FNTB: variants seen among roughly 807,000 people sequenced by gnomAD.
The protein encoded by FNTB is protein farnesyltransferase subunit beta.
A neutral mutation model predicts 59.4 loss-of-function variants in FNTB; 27 were observed. The observed-to-expected ratio is 0.45, with a 90% confidence interval of 0.34 to 0.63. The LOEUF (loss-of-function observed/expected upper bound fraction) is 0.63. FNTB is among the 20% of genes least tolerant of loss of function. The probability of loss-of-function intolerance (pLI) is 0.02; values close to 1 mark genes in which losing one functional copy is unlikely to be tolerated. For synonymous variants in FNTB, 230 were observed against 220.7 expected, an observed-to-expected ratio of 1.04 and a Z score of -0.37; for missense variants, 449 against 559.6, an observed-to-expected ratio of 0.80 and a Z score of 1.99.
rs113927228 is a variant in FNTB, at chr14:65,060,279, G to T, written c.1183-902G>T. Among the ~76,000 whole-genome samples the T allele has an allele frequency of 6.2e-3, 948 of 151,706 alleles. 11 individuals carry two copies. Among genetic ancestry groups the T allele is most frequent in the African/African-American group, 0.022 (896 of 41,290 alleles). Reference sequence around the variant, plus strand: ...TTTTTGCTATTTATATACATCACAGGTACAAATACACTTTTTAAAAAGTTT... The same window carrying T: ...TTTTTGCTATTTATATACATCACAGTTACAAATACACTTTTTAAAAAGTTT... On this transcript the variant is annotated intron_variant, in intron 11 of 11. Coordinates refer to ENST00000246166, the MANE Select transcript of FNTB (RefSeq NM_002028.4).
At chr14:65,002,159 A>G (rs2061530239) in intron 1 of FNTB, among the ~76,000 whole-genome samples, 1 of 152,200 alleles carries the variant, frequency 6.6e-6, no homozygotes, top group South Asian at 2.1e-4. Context: ...CTCAAAAAAA[A>G]ACATGTCTCA....
At chr14:65,004,468 C>T (rs2296323) in intron 2 of FNTB, among the ~76,000 whole-genome samples, 155 bp downstream of exon 2, 3,809 of 152,230 alleles carry the variant, frequency 0.025, 115 homozygotes, top group East Asian at 0.093. Context: ...CTAAGACCCC[C>T]ACTCCTCCCT....
intron 11 of FNTB, among the ~76,000 whole-genome samples, chr14:65,056,307 TCTC>T (rs1329238120): frequency 5.3e-5 from 8 of 152,222 alleles, no homozygotes; most frequent in African/African-American, 1.7e-4. Flanking sequence ...GTTTCTCTGT[TCTC>T]CTGCTAGTTA....
At position 65,061,238 on chromosome 14, in the gene FNTB, T is replaced by G. The variant is rs1313947079; in HGVS notation, c.1240T>G (p.Tyr414Asp). ...GPDKVIQATT[Y>D]FLQKPVPGFE... ...AGACAAGGTGATCCAGGCCACTACA[T>G]ACTTTCTACAGAAGCCAGTCCCAGG... Residue 414 changes from tyrosine to aspartate, a missense_variant, in exon 12 of 12, where the codon TAC (tyrosine) becomes GAC (aspartate). Physicochemically the swap from Tyr to Asp is radical, Grantham distance 160 (BLOSUM62 -3). This residue lies in a region of FNTB where 337 missense variants were observed against 479.1 expected (regional missense o/e 0.70). Coordinates refer to ENST00000246166, the MANE Select transcript of FNTB (RefSeq NM_002028.4). 6.2e-7 allele frequency: 1 copy of G among 1,614,054 alleles called. No individual in the cohort carries two copies. The highest frequency in any genetic ancestry group is 8.5e-7 in the Non-Finnish European group (1 of 1,180,038).
At chr14:65,036,830 G>A (rs1229101173) in intron 7 of FNTB, among the ~76,000 whole-genome samples, 2 of 151,932 alleles carry the variant, frequency 1.3e-5, no homozygotes, top group African/African-American at 4.8e-5. Flanking sequence ...TAGAGACAGG[G>A]TCTCGTCATA....
In FNTB at chr14:65,028,128, A is replaced by T. The variant is rs1461329136; in HGVS notation, c.605+347A>T. Among the ~76,000 whole-genome samples the T allele has an allele frequency of 1.3e-5, 2 of 152,228 alleles. No individual in the cohort carries two copies. Among genetic ancestry groups the T allele is most frequent in the Non-Finnish European group, 2.9e-5 (2 of 68,038 alleles). Reference sequence around the variant, plus strand: ...CTCTCTGAGATAGGAAGGGAGGGGAAAGTCCAGCAGGGCCTCAGTAAATAC... The same window carrying T: ...CTCTCTGAGATAGGAAGGGAGGGGATAGTCCAGCAGGGCCTCAGTAAATAC... On this transcript the variant is annotated intron_variant, in intron 6 of 11. Coordinates refer to ENST00000246166, the MANE Select transcript of FNTB (RefSeq NM_002028.4). This position sits in a 1 kb window ranked among gnomAD's most constrained non-coding sequence, Gnocchi z 4.4.
Position 65,012,209 on chromosome 14 carries a change from G to A in FNTB, c.210-108G>A. On this transcript the variant is annotated intron_variant, in intron 2 of 11. Transcript: ENST00000246166. This position sits in a 1 kb window ranked among gnomAD's most constrained non-coding sequence, Gnocchi z 5.0. ...GGTTATCCAGTCAGTGATTGCAGGG[G>A]GACGTCCTGAAGCTGAGTGTTTACC... is the stretch of plus-strand genomic sequence containing the variant. The A allele has an allele frequency of 7.3e-7, 1 of 1,368,520 alleles. No homozygotes were observed. Among genetic ancestry groups the A allele is most frequent in the African/African-American group, 1.4e-5 (1 of 69,978 alleles). The allele number at this position is 1,368,520 out of a possible 1,614,324, so 84.8% of individuals were successfully genotyped here.
Position 65,027,732 on chromosome 14 carries a change from C to CA in FNTB, c.558dup (p.Pro187ThrfsTer2). 1 of 1,614,202 alleles carries CA rather than the reference C, an allele frequency of 6.2e-7. No homozygotes were observed. Among genetic ancestry groups the CA allele is most frequent in the Non-Finnish European group, 8.5e-7 (1 of 1,180,044 alleles). On this transcript the variant is annotated frameshift_variant, in exon 6 of 12. Coordinates refer to ENST00000246166, the MANE Select transcript of FNTB (RefSeq NM_002028.4). LOFTEE classifies it high-confidence loss of function. The surrounding 1 kb of genome is among the most constrained non-coding windows in gnomAD (Gnocchi z 5.7). ...TCTTCAGTATTTGTACTCCCTGAAG[C>CA]AACCTGACGGCTCCTTTCTCATGCA...
Position 65,009,197 on chromosome 14 carries a change from T to C in FNTB, c.210-3120T>C, listed in dbSNP as rs993380282. Among the ~76,000 whole-genome samples, 1 of 152,202 alleles carries C rather than the reference T, an allele frequency of 6.6e-6. No individual in the cohort carries two copies. Among genetic ancestry groups the C allele is most frequent in the Non-Finnish European group, 1.5e-5 (1 of 68,036 alleles). On this transcript the variant is annotated intron_variant, in intron 2 of 11. Coordinates refer to ENST00000246166, the MANE Select transcript of FNTB (RefSeq NM_002028.4). The surrounding 1 kb of genome is among the most constrained non-coding windows in gnomAD (Gnocchi z 4.2). ...GTCAGCTTGGGCTGCCATAAGACGG[T>C]ATCACAGATGGGGTGCATTAAACCA...
intron 9 of FNTB, among the ~76,000 whole-genome samples, chr14:65,050,451 C>T (rs546751611): frequency 2.0e-5 from 3 of 152,096 alleles, no homozygotes; most frequent in South Asian, 2.1e-4. Flanking sequence ...ATTAGCCAGG[C>T]GTGGGGGCTT....
chr14:65,040,471 C>T (rs2062323874), intron 7 of FNTB, among the ~76,000 whole-genome samples: 1 of 151,898 alleles, frequency 6.6e-6, no homozygotes, highest in Non-Finnish European at 1.5e-5. Context: ...GACCTAGTCT[C>T]ACTCTTTCAC....
rs1234563632 is a variant in FNTB, at chr14:65,007,140, T to C, written c.209+2827T>C. Among the ~76,000 whole-genome samples, 2 of 152,184 alleles carry C rather than the reference T, an allele frequency of 1.3e-5. No individual in the cohort carries two copies. The highest frequency in any genetic ancestry group is 2.9e-5 in the Non-Finnish European group (2 of 68,030). ...ATGGCTGAGTATATAATTCAACATATCAATATAAGGCTGAAGGCAAACATC... is the reference window on the plus strand; with the variant it reads ...ATGGCTGAGTATATAATTCAACATACCAATATAAGGCTGAAGGCAAACATC... On this transcript the variant is annotated intron_variant, in intron 2 of 11. Coordinates refer to ENST00000246166, the MANE Select transcript of FNTB (RefSeq NM_002028.4). This position sits in a 1 kb window ranked among gnomAD's most constrained non-coding sequence, Gnocchi z 4.9.
Position 65,031,028 on chromosome 14 carries a change from G to A in FNTB, c.606-1582G>A, listed in dbSNP as rs559038972. ...TCACCATGTTGGCCAGGCTAGTCTC[G>A]AACTCCTGACCTCAAATAATCCACC... On this transcript the variant is annotated intron_variant, in intron 6 of 11. Coordinates refer to ENST00000246166, the MANE Select transcript of FNTB (RefSeq NM_002028.4). This position sits in a 1 kb window ranked among gnomAD's most constrained non-coding sequence, Gnocchi z 4.6. Among the ~76,000 whole-genome samples, 3 of 151,910 alleles carry A rather than the reference G, an allele frequency of 2.0e-5. No homozygotes were observed. Among genetic ancestry groups the A allele is most frequent in the Non-Finnish European group, 4.4e-5 (3 of 67,972 alleles).
intron 7 of FNTB, among the ~76,000 whole-genome samples, chr14:65,036,790 A>T (rs2062202658): frequency 1.3e-5 from 2 of 152,046 alleles, no homozygotes; most frequent in East Asian, 3.9e-4. Flanking sequence ...GGTGCCTGCC[A>T]CCATGCCTGA....
chr14:65,048,097 T>C (rs1484524056), intron 9 of FNTB, among the ~76,000 whole-genome samples: 1 of 146,296 alleles, frequency 6.8e-6, no homozygotes, highest in African/African-American at 2.5e-5. Context: ...TTTTCTTGCC[T>C]CAGCCTCCTG....
At chr14:65,060,324 C>G (rs966687364) in intron 11 of FNTB, among the ~76,000 whole-genome samples, 3 of 151,712 alleles carry the variant, frequency 2.0e-5, no homozygotes, top group Admixed American at 2.0e-4. Context: ...TGTGGTGGCT[C>G]ACACCTGTAA....
intron 11 of FNTB, among the ~76,000 whole-genome samples, chr14:65,060,269 T>C (rs1040069452): frequency 1.1e-4 from 17 of 152,212 alleles, no homozygotes; most frequent in African/African-American, 3.9e-4. Flanking sequence ...GCTATTTATA[T>C]ACATCACAGG....
In FNTB at chr14:65,041,632, C is replaced by T. The variant is rs905083933; in HGVS notation, c.822+713C>T. The stretch of plus-strand genomic sequence containing the variant: ...TCCCTGAGTTCAGATGCCAGCCTCC[C>T]GTTATGCGGCCCATCGTGAGCTTCC... On this transcript the variant is annotated intron_variant, in intron 8 of 11. Coordinates refer to ENST00000246166, the MANE Select transcript of FNTB (RefSeq NM_002028.4). Among the ~76,000 whole-genome samples, 9 of 152,206 alleles carry T rather than the reference C, an allele frequency of 5.9e-5. No homozygotes were observed. The South Asian group carries it at 8.3e-4, about 14-fold the overall frequency.
Position 65,011,815 on chromosome 14 carries a change from G to T in FNTB, c.210-502G>T, listed in dbSNP as rs1157723909. On this transcript the variant is annotated intron_variant, in intron 2 of 11. Transcript: ENST00000246166. This position sits in a 1 kb window ranked among gnomAD's most constrained non-coding sequence, Gnocchi z 4.0. ...CGTGGGAGGTGGAATTTCAGGGAGA[G>T]AATAATAGTTGGATAACCGAGAGGC... Among the ~76,000 whole-genome samples, 2 of 152,230 alleles carry T rather than the reference G, an allele frequency of 1.3e-5. No individual in the cohort carries two copies. The highest frequency in any genetic ancestry group is 2.1e-4 in the South Asian group (1 of 4,830).
Sources: allele counts gnomAD v4.1 joint callset (sites outside exome capture counted in the v4.1 genomes callset), GRCh38; gene constraint gnomAD v4.1.1; regional missense constraint gnomAD v4.1.1; non-coding constraint Gnocchi (gnomAD v3.1); transcripts MANE v1.5; gene names NCBI Gene and HGNC (gene_info 2026-07-23, HGNC 2026-07-21).